The following PWWP3A variants were observed in gnomAD, a reference collection of about 807,000 sequenced individuals.
PWWP3A encodes PWWP domain-containing DNA repair factor 3A.
In PWWP3A, 53 loss-of-function variants were observed where a neutral mutation model predicts 79.0. The observed-to-expected ratio is 0.67, with a 90% CI of 0.54 to 0.84. PWWP3A has a LOEUF of 0.84. Among genes scored for constraint, PWWP3A ranks in the 40% least tolerant of loss-of-function variants. The pLI, the probability that PWWP3A is intolerant of heterozygous loss-of-function variation, is 0.00. For synonymous variants in PWWP3A, 443 were observed against 394.4 expected, an observed-to-expected ratio of 1.12 and a Z score of -1.46; for missense variants, 973 against 948.0, an observed-to-expected ratio of 1.03 and a Z score of -0.35.
chr19:1,360,649 T>C lies in PWWP3A; in HGVS notation c.728T>C (p.Met243Thr), dbSNP rs769005604. 2.5e-6 allele frequency: 4 copies of C among 1,613,364 alleles called. No individual in the cohort carries two copies. The highest frequency in any genetic ancestry group is 2.2e-5 in the South Asian group (2 of 91,002). The stretch of plus-strand genomic sequence containing the variant: ...TCAGAGGACGACACGGAGAGAGACA[T>C]GGGGAGCAAAGGAGGCAGCTGGGCA... Reference protein sequence around the residue: ...SLSEDDTERDMGSKGGSWAAP... With the variant: ...SLSEDDTERDTGSKGGSWAAP... The change falls in exon 5 of 14, where the codon ATG (methionine) becomes ACG (threonine). Residue 243 changes from methionine (M) to threonine (T), a missense_variant. Physicochemically the swap from Met to Thr is moderately conservative, Grantham distance 81. Transcript: ENST00000591337. This position sits in a 1 kb window ranked among gnomAD's most constrained non-coding sequence, Gnocchi z 4.4.
At chr19:1,358,304 A>G (rs2081929528) in intron 3 of PWWP3A, 90 bp from the exon 4 acceptor site, 2 of 1,253,548 alleles carry the variant, frequency 1.6e-6, no homozygotes, top group Non-Finnish European at 2.3e-6. Context: ...GAAAATGAAA[A>G]TAATTCTTTT....
intron 7 of PWWP3A, among the ~76,000 whole-genome samples, chr19:1,365,930 T>C (rs2082118622): frequency 6.6e-6 from 1 of 152,258 alleles, no homozygotes. Flanking sequence ...CCGTGTGGCC[T>C]GGGCTTGTTC....
chr19:1,364,611 T>C lies in PWWP3A; in HGVS notation c.1284+32T>C, dbSNP rs186236749. On this transcript the variant is annotated intron_variant, in intron 7 of 13. Coordinates refer to ENST00000591337, the MANE Select transcript of PWWP3A (RefSeq NM_001369789.1). Reference sequence around the variant, plus strand: ...ACAGCTTCCTCCGTCTTCTCAGATGTAGTTACTTAAATTTCATGAATTTTT... The same window carrying C: ...ACAGCTTCCTCCGTCTTCTCAGATGCAGTTACTTAAATTTCATGAATTTTT... 90 of 1,462,198 alleles carry C rather than the reference T, an allele frequency of 6.2e-5. 1 individual carries two copies. The highest frequency in any genetic ancestry group is 2.6e-4 in the Admixed American group (12 of 46,460). 90.6% of individuals were successfully genotyped at this position (1,462,198 alleles called of 1,614,324 possible).
chr19:1,357,442 C>T (rs993306399), intron 3 of PWWP3A: 1 of 142,882 alleles, frequency 7.0e-6, no homozygotes, highest in Non-Finnish European at 1.4e-5. Context: ...CAGTGCCATG[C>T]CAGGAAAATA....
intron 7 of PWWP3A, among the ~76,000 whole-genome samples, chr19:1,365,068 C>T (rs1240780114): frequency 6.6e-6 from 1 of 152,102 alleles, no homozygotes; most frequent in Non-Finnish European, 1.5e-5. Context: ...TGCAGTGAGC[C>T]AAGACTGTGC....
At chr19:1,359,566 A>T (rs1335707220) in intron 4 of PWWP3A, 1 of 152,072 alleles carries the variant, frequency 6.6e-6, no homozygotes, top group Non-Finnish European at 1.5e-5. Context: ...ATGAATAAAT[A>T]AAAGTGCTGC....
rs1193531572 is a variant in PWWP3A at position 1,360,633 on chromosome 19, G to A, written c.712G>A (p.Asp238Asn). 4 of 1,613,572 alleles carry A rather than the reference G, an allele frequency of 2.5e-6. No homozygotes were observed. Among genetic ancestry groups the A allele is most frequent in the Non-Finnish European group, 3.4e-6 (4 of 1,179,700 alleles). ...CLNGSSLSED[D>N]TERDMGSKGG... The stretch of plus-strand genomic sequence containing the variant: ...GAATGGATCTTCCCTTTCAGAGGAC[G>A]ACACGGAGAGAGACATGGGGAGCAA... The change falls in exon 5 of 14, where the codon GAC becomes AAC. Residue 238 changes from aspartate to asparagine, a missense_variant. Transcript: ENST00000591337. The surrounding 1 kb of genome is among the most constrained non-coding windows in gnomAD (Gnocchi z 4.4).
chr19:1,358,978 G>A (rs2081949270), intron 4 of PWWP3A: 1 of 315,130 alleles, frequency 3.2e-6, no homozygotes, highest in Admixed American at 3.9e-5. Context: ...GTCATGGGGG[G>A]CACGAGGCAG....
chr19:1,360,520 A>G lies in PWWP3A; in HGVS notation c.599A>G (p.Asp200Gly), dbSNP rs2081987519. 1 of 1,614,218 alleles carries G rather than the reference A, an allele frequency of 6.2e-7. No individual in the cohort carries two copies. Among genetic ancestry groups the G allele is most frequent in the Non-Finnish European group, 8.5e-7 (1 of 1,180,036 alleles). The change falls in exon 5 of 14, where the codon GAT (aspartate) becomes GGT (glycine). Residue 200 changes from aspartate (D) to glycine (G), a missense_variant. Physicochemically the swap from Asp to Gly is moderately conservative, Grantham distance 94 (BLOSUM62 -1). Coordinates refer to ENST00000591337, the MANE Select transcript of PWWP3A (RefSeq NM_001369789.1). This position sits in a 1 kb window ranked among gnomAD's most constrained non-coding sequence, Gnocchi z 4.4. ...CTCCCAGCTGGAGGTGGTGCCCAAG[A>G]TGAGAGTGGGTCCAGAATCCACCAC... The part of the protein sequence containing the change: ...LVLPAGGGAQ[D>G]ESGSRIHHKN...
intron 13 of PWWP3A, among the ~76,000 whole-genome samples, chr19:1,375,619 A>G (rs1306962048): frequency 3.8e-4 from 5 of 13,266 alleles, no homozygotes; most frequent in Admixed American, 8.4e-4. Context: ...ATACAATTAT[A>G]TAACAATTTT....
At chr19:1,373,443 G>T (rs779095802) in intron 13 of PWWP3A, 94 of 460,126 alleles carry the variant, frequency 2.0e-4, no homozygotes, top group Non-Finnish European at 3.1e-4. Flanking sequence ...TTTTTGCAGG[G>T]GCTGATGTTT....
chr19:1,366,068 T>G (rs2082121107), intron 7 of PWWP3A, among the ~76,000 whole-genome samples: 1 of 152,232 alleles, frequency 6.6e-6, no homozygotes, highest in Non-Finnish European at 1.5e-5. Flanking sequence ...GTGGTTCTTT[T>G]TATTCAAAAA....
chr19:1,362,467 C>G, intron 6 of PWWP3A, 116 bp downstream of exon 6: 2 of 739,568 alleles, frequency 2.7e-6, no homozygotes, highest in Non-Finnish European at 4.4e-6. Flanking sequence ...GAGTTCATTT[C>G]TCTCCCACTG....
Position 1,356,306 on chromosome 19 carries a change from G to A in PWWP3A, c.-69-18G>A, listed in dbSNP as rs369342128. On this transcript the variant is annotated intron_variant, in intron 1 of 13. Coordinates refer to ENST00000591337, the MANE Select transcript of PWWP3A (RefSeq NM_001369789.1). ...CCAGCAAACAGTTGTATAAACCACC[G>A]TGCAAATTTCGTTCCAGGACACATT... 34 of 1,331,138 alleles carry A rather than the reference G, an allele frequency of 2.6e-5. No homozygotes were observed. The African/African-American group carries it at 3.5e-4, about 14-fold the overall frequency. 82.5% of individuals were successfully genotyped at this position (1,331,138 alleles called of 1,614,324 possible).
Position 1,357,071 on chromosome 19 carries a change from G to A in PWWP3A, c.120G>A (p.Val40=). 6.2e-7 allele frequency: 1 copy of A among 1,612,936 alleles called. No individual in the cohort carries two copies. The highest frequency in any genetic ancestry group is 8.5e-7 in the Non-Finnish European group (1 of 1,179,620). The change falls in exon 3 of 14, where the codon GTG becomes GTA. Residue 40 remains valine (V), a synonymous_variant. Transcript: ENST00000591337. Reference sequence around the variant, plus strand: ...GAAGAAAGGAATATTTTCTAGCTGTGCAAATCCTCTCTCTAGAGGAAAAGT... The same window carrying A: ...GAAGAAAGGAATATTTTCTAGCTGTACAAATCCTCTCTCTAGAGGAAAAGT... ...NKRRKEYFLA[V]QILSLEEKIK... is the part of the protein sequence containing the mutation.
In PWWP3A at chr19:1,356,420, C is replaced by T. The variant is rs753006782; in HGVS notation, c.28C>T (p.Arg10Ter). 49 of 1,614,050 alleles carry T rather than the reference C, an allele frequency of 3.0e-5. No individual in the cohort carries two copies. The highest frequency in any genetic ancestry group is 3.8e-5 in the Non-Finnish European group (45 of 1,179,980). The change falls in exon 2 of 14, where the codon CGA becomes TGA. Residue 10 changes from arginine to a stop codon, truncating the protein, a stop_gained. Coordinates refer to ENST00000591337, the MANE Select transcript of PWWP3A (RefSeq NM_001369789.1). LOFTEE classifies it high-confidence loss of function. ...GGCGGATGCCAAGTATGTCCTCTGC[C>T]GATGGGAAAAGCGATTATGGCCTGC... MADAKYVLC[R>*]WEKRLWPAKV...
intron 8 of PWWP3A, 64 bp from the exon 9 acceptor site, chr19:1,367,096 G>T: frequency 2.2e-6 from 3 of 1,353,752 alleles, no homozygotes; most frequent in South Asian, 2.5e-5. Flanking sequence ...CAGAGACAGG[G>T]AAAGGTTTTT....
Position 1,357,008 on chromosome 19 carries a change from G to C in PWWP3A, c.58-1G>C. The C allele has an allele frequency of 6.2e-7, 1 of 1,610,934 alleles. No individual in the cohort carries two copies. Among genetic ancestry groups the C allele is most frequent in the Non-Finnish European group, 8.5e-7 (1 of 1,179,052 alleles). On this transcript the variant is annotated splice_acceptor_variant, in intron 2 of 13. Transcript: ENST00000591337. LOFTEE classifies it high-confidence loss of function. ...AGGATTTTCTTTTGTTTTAAATGTAGGTTTTGGCCCGAACCGCGACTTCAA... is the reference window on the plus strand; with the variant it reads ...AGGATTTTCTTTTGTTTTAAATGTACGTTTTGGCCCGAACCGCGACTTCAA...
chr19:1,375,547 A>T (rs1175878867), intron 13 of PWWP3A, among the ~76,000 whole-genome samples: 2 of 116,490 alleles, frequency 1.7e-5, no homozygotes, highest in Non-Finnish European at 3.5e-5. Flanking sequence ...TTTATATATA[A>T]AATATATATT....
Sources: allele counts gnomAD v4.1 joint callset (sites outside exome capture counted in the v4.1 genomes callset), GRCh38; gene constraint gnomAD v4.1.1; non-coding constraint Gnocchi (gnomAD v3.1); transcripts MANE v1.5; gene names NCBI Gene and HGNC (gene_info 2026-07-23, HGNC 2026-07-21).